The following DLG2 variants were observed in gnomAD, a reference collection of about 807,000 sequenced individuals.
The protein encoded by DLG2 is disks large homolog 2.
A neutral mutation model predicts 132.5 loss-of-function variants in DLG2; 45 were observed. That is an observed-to-expected ratio of 0.34 (90% confidence interval 0.27 to 0.44). The LOEUF is 0.44. Among genes scored for constraint, DLG2 ranks in the 20% least tolerant of loss-of-function variants. The pLI is 1.00. For synonymous variants in DLG2, 424 were observed against 419.6 expected (o/e 1.01, Z -0.13); for missense variants, 1,045 against 1,196.9 (o/e 0.87, Z 1.87).
intron 6 of DLG2, among the ~76,000 whole-genome samples, chr11:84,766,162 A>G (rs75614408): frequency 0.025 from 3,866 of 152,094 alleles, 143 homozygotes; most frequent in African/African-American, 0.079. Context: ...GTTGAATGGT[A>G]TTTACAGGAG....
chr11:85,502,017 C>T (rs1255035256), intron 3 of DLG2, among the ~76,000 whole-genome samples: 2 of 152,088 alleles, frequency 1.3e-5, no homozygotes, highest in Non-Finnish European at 2.9e-5. Context: ...TGGAACCAAC[C>T]GCAATGTCCA....
chr11:83,840,593 G>A (rs983435570), intron 16 of DLG2, among the ~76,000 whole-genome samples: 1 of 152,190 alleles, frequency 6.6e-6, no homozygotes, highest in African/African-American at 2.4e-5. Flanking sequence ...CTCCAAGCAG[G>A]AATGTCAAGC....
chr11:85,133,836 C>A (rs2075929765), intron 5 of DLG2, among the ~76,000 whole-genome samples: 1 of 152,196 alleles, frequency 6.6e-6, no homozygotes, highest in Admixed American at 6.5e-5. Flanking sequence ...TCTCCCCTCC[C>A]CCAAATCCCT....
At chr11:83,562,910 T>C (rs1437982972) in intron 19 of DLG2, among the ~76,000 whole-genome samples, 1 of 151,890 alleles carries the variant, frequency 6.6e-6, no homozygotes, top group Admixed American at 6.6e-5. Flanking sequence ...CCCTAGTAGG[T>C]TGTTCTCTGC....
At chr11:85,559,160 T>A (rs2077088974) in intron 3 of DLG2, among the ~76,000 whole-genome samples, 1 of 150,586 alleles carries the variant, frequency 6.6e-6, no homozygotes, top group South Asian at 2.1e-4. Flanking sequence ...TTATTATTTT[T>A]TTTTTTTTTG....
chr11:83,496,851 G>A (rs2094172865), intron 21 of DLG2, among the ~76,000 whole-genome samples: 1 of 152,174 alleles, frequency 6.6e-6, no homozygotes, highest in Non-Finnish European at 1.5e-5. Flanking sequence ...GCCCATGCTA[G>A]TCTCCTAAAT....
In DLG2 at chr11:84,698,303, G is replaced by C. The variant is rs552701899; in HGVS notation, c.358-163572C>G. On this transcript the variant is annotated intron_variant, in intron 6 of 27. Coordinates refer to ENST00000376104, the MANE Select transcript of DLG2 (RefSeq NM_001142699.3). ...CTCACTTTCTCTGTTTCTGATTTCA[G>C]ACTGCCTGTGAACATTGAGCTAGGT... Among the ~76,000 whole-genome samples, 9 of 151,596 alleles carry C rather than the reference G, an allele frequency of 5.9e-5. No homozygotes were observed. In the South Asian group the frequency reaches 1.5e-3, roughly 24 times the overall value.
chr11:84,949,161 T>G (rs2050605329), intron 6 of DLG2, among the ~76,000 whole-genome samples: 1 of 152,034 alleles, frequency 6.6e-6, no homozygotes, highest in Admixed American at 6.6e-5. Context: ...CATCACACAT[T>G]GGTAGGATCC....
At chr11:84,156,207 C>T (rs1226009442) in intron 9 of DLG2, among the ~76,000 whole-genome samples, 6 of 152,166 alleles carry the variant, frequency 3.9e-5, no homozygotes, top group Admixed American at 3.9e-4. Flanking sequence ...CAGCCATAGA[C>T]AACTTTGATA....
At chr11:85,541,268 C>G (rs562987874) in intron 3 of DLG2, among the ~76,000 whole-genome samples, 1 of 151,922 alleles carries the variant, frequency 6.6e-6, no homozygotes, top group Non-Finnish European at 1.5e-5. Context: ...TTATTTAATA[C>G]TTATGTATTT....
chr11:84,771,647 T>C (rs2069415944), intron 6 of DLG2, among the ~76,000 whole-genome samples: 1 of 152,198 alleles, frequency 6.6e-6, no homozygotes, highest in Admixed American at 6.5e-5. Flanking sequence ...AAGGGAGTTT[T>C]ATAAACAGAA....
At chr11:84,767,443 A>C (rs2068590010) in intron 6 of DLG2, among the ~76,000 whole-genome samples, 1 of 152,062 alleles carries the variant, frequency 6.6e-6, no homozygotes, top group African/African-American at 2.4e-5. Flanking sequence ...TTTTACAACT[A>C]TATAGGATTG....
intron 9 of DLG2, among the ~76,000 whole-genome samples, chr11:84,102,145 C>T (rs1217093917): frequency 6.6e-6 from 1 of 152,128 alleles, no homozygotes; most frequent in African/African-American, 2.4e-5. Context: ...ACTAAATTAT[C>T]ACCCAACCCT....
At chr11:83,966,876 T>G (rs1390958085) in intron 12 of DLG2, among the ~76,000 whole-genome samples, 7 of 152,168 alleles carry the variant, frequency 4.6e-5, no homozygotes, top group Admixed American at 2.6e-4. Context: ...TTTTTATCCT[T>G]TCATCTGTAT....
chr11:84,553,061 G>A (rs1259306378), intron 6 of DLG2, among the ~76,000 whole-genome samples: 1 of 151,994 alleles, frequency 6.6e-6, no homozygotes, highest in Non-Finnish European at 1.5e-5. Context: ...CCTGTCTCAT[G>A]CTTTTCCTTC....
At chr11:84,684,589 C>G (rs1057222494) in intron 6 of DLG2, among the ~76,000 whole-genome samples, 2 of 152,114 alleles carry the variant, frequency 1.3e-5, no homozygotes, top group East Asian at 3.9e-4. Context: ...TGGGTCAGAT[C>G]TGGTTTCAAA....
intron 7 of DLG2, among the ~76,000 whole-genome samples, chr11:84,464,260 G>A (rs540109601): frequency 1.1e-4 from 16 of 151,224 alleles, no homozygotes; most frequent in African/African-American, 3.9e-4. Context: ...AGAATAATAT[G>A]TATAATGGCA....
At chr11:83,825,877 T>C (rs1295793340) in intron 17 of DLG2, among the ~76,000 whole-genome samples, 2 of 152,160 alleles carry the variant, frequency 1.3e-5, no homozygotes, top group Non-Finnish European at 2.9e-5. Flanking sequence ...CCATTCATTG[T>C]GTGGATGGGT....
intron 3 of DLG2, among the ~76,000 whole-genome samples, chr11:85,571,705 C>T (rs900564033): frequency 1.3e-5 from 2 of 152,158 alleles, no homozygotes; most frequent in Admixed American, 6.6e-5. Flanking sequence ...TATCTTATTA[C>T]GCAGCTTCTT....
Sources: gnomAD v4.1 joint callset for allele counts (sites outside exome capture counted in the v4.1 genomes callset) on GRCh38, gnomAD v4.1.1 for gene constraint, MANE v1.5 for transcripts, NCBI Gene and HGNC (gene_info 2026-07-23, HGNC 2026-07-21) for gene names.